STK11: variants seen among roughly 807,000 people sequenced by gnomAD.
STK11 encodes the protein serine/threonine kinase 11, also known as serine/threonine-protein kinase STK11.
Under a neutral mutation model 47.3 loss-of-function variants are expected in STK11, and 8 were observed. The observed-to-expected ratio is 0.17, with a 90% CI of 0.10 to 0.31. The LOEUF (loss-of-function observed/expected upper bound fraction) is 0.31. Ranked by LOEUF, STK11 falls within the 10% of genes least tolerant of loss-of-function variation. The pLI, the probability that STK11 is intolerant of heterozygous loss-of-function variation, is 1.00. For synonymous variants in STK11, 330 were observed against 255.8 expected (o/e 1.29, Z -2.77); for missense variants, 475 against 605.0 (o/e 0.79, Z 2.25).
Position 1,218,649 on chromosome 19 carries a change from G to A in STK11, c.374+149G>A, listed in dbSNP as rs570068800. On this transcript the variant is annotated intron_variant, in intron 2 of 9. Transcript: ENST00000326873. ...GCCTTCCCTGGTTCCCCGGAAGTCA[G>A]CCATTGTGGCAATGGCTGCGCAGCT... is the stretch of plus-strand genomic sequence containing the variant. 134 of 740,334 alleles carry A rather than the reference G, an allele frequency of 1.8e-4. 2 individuals are homozygous for A. The South Asian group carries it at 2.0e-3, about 11-fold the overall frequency. 45.9% of individuals were successfully genotyped at this position (740,334 alleles called of 1,614,324 possible).
chr19:1,221,850 T>G (rs915004431), intron 6 of STK11, 99 bp from the exon 7 acceptor site: 33 of 1,412,842 alleles, frequency 2.3e-5, no homozygotes, highest in Non-Finnish European at 3.2e-5. Context: ...CGTCCAGGTA[T>G]CACCCAGGGC....
chr19:1,224,923 G>A (rs967546104), intron 8 of STK11: 3 of 985,520 alleles, frequency 3.0e-6, no homozygotes, highest in Admixed American at 6.1e-5. Context: ...CTGACCTGCA[G>A]AGCCCCCTTG....
At chr19:1,226,136 G>A in intron 8 of STK11, 4 of 1,199,848 alleles carry the variant, frequency 3.3e-6, no homozygotes, top group Non-Finnish European at 3.1e-6. Context: ...GTCCTGCCTT[G>A]TCAGCTTGCC....
rs899893523 is a variant in STK11 at position 1,227,780 on chromosome 19, C to G, written c.*204C>G. ...GCGCAGCCCTCCCCCCTCGGCCGCCCGGCAGTGCACGCGGCTTGTTGACTT... is the reference window on the plus strand; with the variant it reads ...GCGCAGCCCTCCCCCCTCGGCCGCCGGGCAGTGCACGCGGCTTGTTGACTT... On this transcript the variant is annotated 3_prime_UTR_variant, in exon 10 of 10. Transcript: ENST00000326873. The G allele has an allele frequency of 7.4e-6, 8 of 1,074,052 alleles. No homozygotes were observed. The highest frequency in any genetic ancestry group is 3.3e-5 in the African/African-American group (2 of 61,106). The allele number at this position is 1,074,052 out of a possible 1,614,324, so 66.5% of individuals were successfully genotyped here.
intron 8 of STK11, chr19:1,226,107 C>A: frequency 8.9e-7 from 1 of 1,127,494 alleles, no homozygotes. Context: ...GCCAGGGTGC[C>A]CCAGGGGAGC....
At chr19:1,214,770 G>A (rs79468271) in intron 1 of STK11, among the ~76,000 whole-genome samples, 101 of 152,298 alleles carry the variant, frequency 6.6e-4, no homozygotes, top group African/African-American at 2.4e-3. Flanking sequence ...GGGCCAGAGC[G>A]GTGCTGGACC....
intron 7 of STK11, among the ~76,000 whole-genome samples, chr19:1,222,677 C>G (rs555961086): frequency 1.3e-5 from 2 of 152,164 alleles, no homozygotes; most frequent in African/African-American, 4.8e-5. Flanking sequence ...GTGCTCAGGG[C>G]CCCCCAGACC....
intron 8 of STK11, chr19:1,225,520 C>T (rs1488719200): frequency 2.8e-5 from 27 of 978,998 alleles, no homozygotes; most frequent in African/African-American, 7.0e-5. Context: ...CTGCCCACCT[C>T]GGCCTCCCAA....
intron 1 of STK11, among the ~76,000 whole-genome samples, chr19:1,214,443 T>C (rs576023901): frequency 6.6e-6 from 1 of 152,298 alleles, no homozygotes; most frequent in South Asian, 2.1e-4. Flanking sequence ...TGCTGTGAAG[T>C]GTCCCCGTTG....
intron 1 of STK11, among the ~76,000 whole-genome samples, chr19:1,211,732 G>A (rs979719758): frequency 2.6e-5 from 4 of 152,358 alleles, no homozygotes; most frequent in African/African-American, 4.8e-5. Flanking sequence ...GCCCAGATCC[G>A]GGCTGTGGCT....
rs2080669334 is a variant in STK11, at chr19:1,206,887, G to A, written c.-27G>A. 6.5e-7 allele frequency: 1 copy of A among 1,542,758 alleles called. No individual in the cohort carries two copies. The highest frequency in any genetic ancestry group is 8.8e-7 in the Non-Finnish European group (1 of 1,138,480). The stretch of plus-strand genomic sequence containing the variant: ...CTCACCCGCGGACTCAGGGCTGGCG[G>A]CGGGACTCCAGGACCCTGGGTCCAG... On this transcript the variant is annotated 5_prime_UTR_variant, in exon 1 of 10. Transcript: ENST00000326873.
chr19:1,207,608 G>C (rs1374774206), intron 1 of STK11, among the ~76,000 whole-genome samples: 1 of 152,222 alleles, frequency 6.6e-6, no homozygotes, highest in Non-Finnish European at 1.5e-5. Context: ...CCGCCAACAC[G>C]TTTTCTGCGC....
rs771232829 is a variant in STK11 at position 1,223,902 on chromosome 19, C to T, written c.1108+730C>T. ...CTGCAGGGTGGATGCTTGCTGCGCT[C>T]GGGCTGGAGCCTGAGGGGGCTTTCT... On this transcript the variant is annotated intron_variant, in intron 8 of 9. Coordinates refer to ENST00000326873, the MANE Select transcript of STK11 (RefSeq NM_000455.5). The T allele has an allele frequency of 4.4e-3, 4,441 of 1,015,154 alleles. 11 individuals carry two copies. Among genetic ancestry groups the T allele is most frequent in the Non-Finnish European group, 4.8e-3 (4,098 of 847,176 alleles). 62.9% of individuals were successfully genotyped at this position (1,015,154 alleles called of 1,614,324 possible).
rs949859448 is a variant in STK11, at chr19:1,223,858, A to G, written c.1108+686A>G. 1.6e-5 allele frequency: 16 copies of G among 1,021,972 alleles called. No individual in the cohort carries two copies. In the South Asian group the frequency reaches 5.1e-4, roughly 33 times the overall value. The allele number at this position is 1,021,972 out of a possible 1,614,324, so 63.3% of individuals were successfully genotyped here. ...TCGGCCCAGGGCTGGGCCGTGTCAT[A>G]AAGAGTTTTGCAGTGTATCTGCAGG... On this transcript the variant is annotated intron_variant, in intron 8 of 9. Coordinates refer to ENST00000326873, the MANE Select transcript of STK11 (RefSeq NM_000455.5).
chr19:1,225,187 T>C, intron 8 of STK11: 1 of 985,234 alleles, frequency 1.0e-6, no homozygotes, highest in East Asian at 1.1e-4. Context: ...GGGCACCTTG[T>C]CCACAGGGTC....
rs1057521355 is a variant in STK11, at chr19:1,219,428, C to A, written c.464+15C>A. 1.3e-6 allele frequency: 2 copies of A among 1,553,968 alleles called. No homozygotes were observed. Among genetic ancestry groups the A allele is most frequent in the East Asian group, 2.5e-5 (1 of 40,582 alleles). On this transcript the variant is annotated intron_variant, in intron 3 of 9. Transcript: ENST00000326873. Reference sequence around the variant, plus strand: ...CAGGCCCACGGGTGCGTGCGCGGGGCAGGGGCCAGGGTGGGGCGGGGGCCG... The same window carrying A: ...CAGGCCCACGGGTGCGTGCGCGGGGAAGGGGCCAGGGTGGGGCGGGGGCCG...
intron 6 of STK11, 70 bp from the exon 7 acceptor site, chr19:1,221,879 C>T (rs2145428346): frequency 7.9e-6 from 12 of 1,522,846 alleles, no homozygotes; most frequent in Middle Eastern, 1.7e-4. Context: ...AGAGGCTGGG[C>T]AGGCGGGGAC....
intron 1 of STK11, among the ~76,000 whole-genome samples, chr19:1,215,351 C>T (rs562219637): frequency 5.9e-5 from 9 of 152,344 alleles, no homozygotes; most frequent in South Asian, 4.1e-4. Flanking sequence ...ACCAGGCCTG[C>T]GGTGACCAGT....
chr19:1,213,794 A>T (rs1281068886), intron 1 of STK11, among the ~76,000 whole-genome samples: 1 of 152,104 alleles, frequency 6.6e-6, no homozygotes, highest in Non-Finnish European at 1.5e-5. Context: ...ATCAGGAGGG[A>T]TTCAGGGACC....
Sources: allele counts gnomAD v4.1 joint callset (sites outside exome capture counted in the v4.1 genomes callset), GRCh38; gene constraint gnomAD v4.1.1; transcripts MANE v1.5; gene names NCBI Gene and HGNC (gene_info 2026-07-23, HGNC 2026-07-21).